The following ANKRD30B variants were observed in gnomAD, a reference collection of about 807,000 sequenced individuals.
ANKRD30B encodes the protein ankyrin repeat domain 30B.
Under a neutral mutation model 202.2 loss-of-function variants are expected in ANKRD30B, and 144 were observed. The ratio of observed to expected loss-of-function variants is 0.71; its 90% CI spans 0.62 to 0.82. ANKRD30B has a LOEUF of 0.82. Ranked by LOEUF, ANKRD30B falls within the 40% of genes least tolerant of loss-of-function variation. ANKRD30B has a pLI of 0.00. For synonymous variants in ANKRD30B, 508 were observed against 561.3 expected, an observed-to-expected ratio of 0.91 and a Z score of 1.34; for missense variants, 1,487 against 1,669.1, an observed-to-expected ratio of 0.89 and a Z score of 1.90.
intron 9 of ANKRD30B, among the ~76,000 whole-genome samples, chr18:14,775,641 A>G (rs542861828): frequency 5.3e-5 from 8 of 152,356 alleles, no homozygotes; most frequent in East Asian, 1.9e-4. Context: ...TCTTTTCACA[A>G]ATAGAACTCT....
At chr18:14,825,715 CT>C (rs1323622759) in intron 32 of ANKRD30B, among the ~76,000 whole-genome samples, 1 of 151,944 alleles carries the variant, frequency 6.6e-6, no homozygotes, top group African/African-American at 2.4e-5. Flanking sequence ...GGTAGGGTTG[CT>C]TTTTTCCTGT....
the ANKRD30B span, among the ~76,000 whole-genome samples, chr18:14,932,266 G>A: frequency 9.9e-5 from 15 of 151,664 alleles, no homozygotes; most frequent in Non-Finnish European, 2.1e-4. Flanking sequence ...CTGTGGCAGT[G>A]GCCTCCAGGG....
intron 30 of ANKRD30B, among the ~76,000 whole-genome samples, chr18:14,818,523 T>A (rs62086433): frequency 3.8e-5 from 3 of 78,648 alleles, no homozygotes; most frequent in African/African-American, 1.3e-4. Flanking sequence ...CCCCCCACCC[T>A]ACAACAGTCC....
the ANKRD30B span, among the ~76,000 whole-genome samples, chr18:14,897,339 C>T: frequency 2.6e-5 from 4 of 152,052 alleles, no homozygotes; most frequent in Admixed American, 6.5e-5. Context: ...CACCACCACG[C>T]GCGCCTAATT....
Position 14,810,745 on chromosome 18 carries a change from C to T in ANKRD30B, c.2488+565C>T, listed in dbSNP as rs1598658683. The stretch of plus-strand genomic sequence containing the variant: ...CTTTTGGCCTTGGTGTCTTTTTATG[C>T]TACTGTAATTAATTGCCTAGAGGTA... On this transcript the variant is annotated intron_variant, in intron 28 of 43. Coordinates refer to ENST00000690538, the MANE Select transcript of ANKRD30B (RefSeq NM_001367607.2). Among the ~76,000 whole-genome samples the T allele has an allele frequency of 1.3e-5, 2 of 151,002 alleles. 1 individual carries two copies. The highest frequency in any genetic ancestry group is 4.9e-5 in the African/African-American group (2 of 40,802).
In ANKRD30B at chr18:14,852,078, G is replaced by A; in HGVS notation, c.4134G>A (p.Leu1378=). 1.2e-6 allele frequency: 2 copies of A among 1,610,182 alleles called. No individual in the cohort carries two copies. The highest frequency in any genetic ancestry group is 1.7e-6 in the Non-Finnish European group (2 of 1,177,714). The stretch of plus-strand genomic sequence containing the variant: ...GAGATGATCTAAGAGAAAATGCATT[G>A]GTTTCAGAACATGCACAAAGAGACC... ...YAGDDLRENA[L]VSEHAQRDRC... The change falls in exon 42 of 44, where the codon TTG becomes TTA. Residue 1378 remains leucine, a synonymous_variant. Transcript: ENST00000690538.
chr18:14,863,102 A>G, the ANKRD30B span, among the ~76,000 whole-genome samples: 1 of 152,194 alleles, frequency 6.6e-6, no homozygotes, highest in Non-Finnish European at 1.5e-5. Flanking sequence ...TGATGCTGAA[A>G]CAGCTTGAGA....
intron 7 of ANKRD30B, among the ~76,000 whole-genome samples, chr18:14,767,834 T>G (rs1916492821): frequency 6.6e-6 from 1 of 152,242 alleles, no homozygotes; most frequent in African/African-American, 2.4e-5. Flanking sequence ...TGCATATTTC[T>G]AGAATTCCCC....
At chr18:14,817,746 A>T (rs572350634) in intron 30 of ANKRD30B, among the ~76,000 whole-genome samples, 5 of 152,292 alleles carry the variant, frequency 3.3e-5, no homozygotes, top group Admixed American at 6.5e-5. Flanking sequence ...TATATATGAA[A>T]TTCTGAGGTT....
chr18:14,811,263 G>A (rs889731806), intron 28 of ANKRD30B, among the ~76,000 whole-genome samples: 4 of 151,608 alleles, frequency 2.6e-5, no homozygotes, highest in African/African-American at 9.7e-5. Context: ...CCAGGCTGGA[G>A]AGCAGTGGTG....
the ANKRD30B span, among the ~76,000 whole-genome samples, chr18:14,916,302 T>C: frequency 6.6e-6 from 1 of 152,344 alleles, no homozygotes; most frequent in East Asian, 1.9e-4. Flanking sequence ...CAGATGTGTG[T>C]AGTTCTCCTG....
the ANKRD30B span, among the ~76,000 whole-genome samples, chr18:14,864,260 GGGAGGT>G: frequency 1.3e-5 from 2 of 152,028 alleles, no homozygotes; most frequent in South Asian, 2.1e-4. Flanking sequence ...GCTTGAACCG[GGGAGGT>G]GGAGGTGGCA....
chr18:14,927,503 C>T, the ANKRD30B span, among the ~76,000 whole-genome samples: 3 of 152,176 alleles, frequency 2.0e-5, no homozygotes, highest in Non-Finnish European at 4.4e-5. Flanking sequence ...CCTTCCTAAC[C>T]AGCTAAACCA....
At chr18:14,770,740 G>T (rs1280727072) in intron 8 of ANKRD30B, among the ~76,000 whole-genome samples, 1 of 151,948 alleles carries the variant, frequency 6.6e-6, no homozygotes, top group Non-Finnish European at 1.5e-5. Flanking sequence ...AGGGTTCAAA[G>T]ACGTCCTGAA....
chr18:14,940,897 A>T, the ANKRD30B span, among the ~76,000 whole-genome samples: 1 of 152,196 alleles, frequency 6.6e-6, no homozygotes, highest in Admixed American at 6.5e-5. Context: ...TGCTTCTGAC[A>T]GCCCAGCCCT....
chr18:14,800,613 C>A (rs1200576307), intron 22 of ANKRD30B, among the ~76,000 whole-genome samples: 1 of 149,588 alleles, frequency 6.7e-6, no homozygotes, highest in Non-Finnish European at 1.5e-5. Context: ...CGTGAGCCAC[C>A]GCGCCCGGCC....
chr18:14,803,287 T>C, intron 23 of ANKRD30B, among the ~76,000 whole-genome samples: 1 of 46,628 alleles, frequency 2.1e-5, no homozygotes, highest in East Asian at 5.5e-4. Flanking sequence ...CTTCACGGCA[T>C]GCATCATTTT....
intron 39 of ANKRD30B, among the ~76,000 whole-genome samples, chr18:14,847,410 G>T (rs1971695123): frequency 6.8e-6 from 1 of 147,862 alleles, no homozygotes. Context: ...TTCTTCAGAT[G>T]TTTTTTCTGT....
intron 4 of ANKRD30B, among the ~76,000 whole-genome samples, chr18:14,757,501 T>A (rs1018421784): frequency 3.9e-5 from 6 of 152,220 alleles, no homozygotes; most frequent in Non-Finnish European, 5.9e-5. Flanking sequence ...TTTTTAAGTA[T>A]AAAATATTAT....
Sources: gnomAD v4.1 joint callset for allele counts (sites outside exome capture counted in the v4.1 genomes callset) on GRCh38, gnomAD v4.1.1 for gene constraint, MANE v1.5 for transcripts, NCBI Gene and HGNC (gene_info 2026-07-23, HGNC 2026-07-21) for gene names.